Variants in ZFAT observed in about 807,000 individuals in gnomAD.
ZFAT encodes the protein zinc finger protein ZFAT.
ZFAT carries 64 observed loss-of-function variants against 117.7 expected under a neutral mutation model. The ratio of observed to expected loss-of-function variants is 0.54; its 90% CI spans 0.44 to 0.67. The LOEUF is 0.67. Among genes scored for constraint, ZFAT ranks in the 30% least tolerant of loss-of-function variants. ZFAT has a pLI of 0.00. For missense variants in ZFAT, 1,433 were observed against 1,584.5 expected (o/e 0.90, Z 1.62); for synonymous variants, 679 against 615.0 (o/e 1.10, Z -1.54).
chr8:134,738,344 C>T, the ZFAT span, among the ~76,000 whole-genome samples: 1 of 152,082 alleles, frequency 6.6e-6, no homozygotes, highest in Non-Finnish European at 1.5e-5. Flanking sequence ...TCTGGCAAGC[C>T]CAAATCTTCT....
intron 10 of ZFAT, among the ~76,000 whole-genome samples, chr8:134,568,946 G>C (rs866142406): frequency 1.3e-5 from 2 of 152,154 alleles, no homozygotes; most frequent in African/African-American, 4.8e-5. Context: ...GTATTTACTC[G>C]AGGTGAGATT....
chr8:134,485,738 C>T (rs1245873924), intron 15 of ZFAT, among the ~76,000 whole-genome samples: 1 of 143,786 alleles, frequency 7.0e-6, no homozygotes, highest in Non-Finnish European at 1.5e-5. Flanking sequence ...CATTCAAGGA[C>T]ATCAAAATAT....
At chr8:134,509,775 A>C in intron 14 of ZFAT, 26 bp from the exon 15 acceptor site, 1 of 1,575,322 alleles carries the variant, frequency 6.3e-7, no homozygotes, top group East Asian at 2.2e-5. Flanking sequence ...CAAAGAGGAC[A>C]CCATTCAGGC....
chr8:134,825,743 G>A, the ZFAT span, among the ~76,000 whole-genome samples: 4 of 152,226 alleles, frequency 2.6e-5, no homozygotes, highest in African/African-American at 9.6e-5. Flanking sequence ...TCCTCAGGCT[G>A]GGCGCGGTGG....
chr8:134,577,122 C>T (rs1825370169), intron 10 of ZFAT, among the ~76,000 whole-genome samples: 1 of 152,230 alleles, frequency 6.6e-6, no homozygotes, highest in African/African-American at 2.4e-5. Flanking sequence ...AACTACATTA[C>T]AGCATGATCT....
At chr8:134,762,733 A>C in the ZFAT span, among the ~76,000 whole-genome samples, 1 of 152,194 alleles carries the variant, frequency 6.6e-6, no homozygotes, top group Non-Finnish European at 1.5e-5. Flanking sequence ...CCAATTGCTT[A>C]CCTGGCATCT....
intron 11 of ZFAT, among the ~76,000 whole-genome samples, chr8:134,559,028 T>A (rs968608206): frequency 6.6e-6 from 1 of 152,248 alleles, no homozygotes; most frequent in African/African-American, 2.4e-5. Flanking sequence ...TAGGATGGTA[T>A]CATGGATAAG....
chr8:134,817,245 C>T, the ZFAT span, among the ~76,000 whole-genome samples: 1 of 151,980 alleles, frequency 6.6e-6, no homozygotes, highest in Non-Finnish European at 1.5e-5. Context: ...AACCAGATAA[C>T]CTAAGGAAGA....
At chr8:134,821,015 G>T in the ZFAT span, among the ~76,000 whole-genome samples, 2 of 152,292 alleles carry the variant, frequency 1.3e-5, no homozygotes, top group African/African-American at 4.8e-5. Flanking sequence ...CAAAAAGCTT[G>T]CAATGAAGTT....
chr8:134,707,382 A>C (rs1364534763), intron 1 of ZFAT, among the ~76,000 whole-genome samples: 1 of 152,202 alleles, frequency 6.6e-6, no homozygotes, highest in Admixed American at 6.5e-5. Context: ...AAACAGCACA[A>C]AGTTTGGCAT....
At position 134,498,194 on chromosome 8, in the gene ZFAT, G is replaced by T. The variant is rs74989655; in HGVS notation, c.3492+11425C>A. The stretch of plus-strand genomic sequence containing the variant: ...GCTGGTTACACACAGAGCCTGATTT[G>T]GTAGGGTTGGGGTGGAGCTGGGATG... On this transcript the variant is annotated intron_variant, in intron 15 of 15. Coordinates refer to ENST00000377838, the MANE Select transcript of ZFAT (RefSeq NM_020863.4). Among the ~76,000 whole-genome samples, 414 of 55,406 alleles carry T rather than the reference G, an allele frequency of 7.5e-3. 3 individuals are homozygous for T. The highest frequency in any genetic ancestry group is 0.038 in the East Asian group (22 of 580). The allele number at this position is 55,406 out of a possible 152,430, so 36.3% of individuals were successfully genotyped here. A position where few individuals can be genotyped will look rare whatever the true frequency, so the allele number is the denominator to read the frequency against.
chr8:134,649,508 A>G (rs1831110950), intron 2 of ZFAT, among the ~76,000 whole-genome samples: 1 of 152,222 alleles, frequency 6.6e-6, no homozygotes, highest in Non-Finnish European at 1.5e-5. Flanking sequence ...AAGTCCAGCA[A>G]AATTGCAGGA....
rs114152015 is a variant in ZFAT, at chr8:134,596,184, C to T, written c.2475+4252G>A. ...GTCCTAAGATCAACCACATGGACAT[C>T]CATAAGGCACTTTCACATCACAAAG... On this transcript the variant is annotated intron_variant, in intron 7 of 15. Coordinates refer to ENST00000377838, the MANE Select transcript of ZFAT (RefSeq NM_020863.4). Among the ~76,000 whole-genome samples the T allele has an allele frequency of 6.1e-3, 924 of 152,320 alleles. 6 individuals carry two copies. The highest frequency in any genetic ancestry group is 0.021 in the African/African-American group (854 of 41,568).
chr8:134,576,190 A>AT, intron 10 of ZFAT, among the ~76,000 whole-genome samples: 1 of 152,232 alleles, frequency 6.6e-6, no homozygotes, highest in Non-Finnish European at 1.5e-5. Flanking sequence ...TTAAATCTGT[A>AT]TATCAATCTA....
At chr8:134,544,270 T>TAGCA (rs1225907695) in intron 11 of ZFAT, among the ~76,000 whole-genome samples, 1 of 152,188 alleles carries the variant, frequency 6.6e-6, no homozygotes, top group Admixed American at 6.5e-5. Flanking sequence ...CGCTCACCTA[T>TAGCA]GCTCCCCCAG....
At chr8:134,510,120 C>T (rs767129179) in intron 14 of ZFAT, 75 of 460,470 alleles carry the variant, frequency 1.6e-4, no homozygotes, top group Non-Finnish European at 2.3e-4. Flanking sequence ...CTCCTGGGAG[C>T]ACCCAGCAAG....
At chr8:134,646,045 A>C (rs1830870997) in intron 2 of ZFAT, among the ~76,000 whole-genome samples, 1 of 151,944 alleles carries the variant, frequency 6.6e-6, no homozygotes, top group South Asian at 2.1e-4. Flanking sequence ...CTACTTAAAA[A>C]AAAAAATAGA....
chr8:134,588,154 T>A, intron 9 of ZFAT, 92 bp downstream of exon 9: 3 of 1,400,722 alleles, frequency 2.1e-6, no homozygotes, highest in Non-Finnish European at 2.9e-6. Flanking sequence ...AGCAGGGATG[T>A]GAAGATACGG....
At chr8:134,624,214 A>ACC (rs1414092940) in intron 3 of ZFAT, among the ~76,000 whole-genome samples, 62 of 148,512 alleles carry the variant, frequency 4.2e-4, no homozygotes, top group African/African-American at 1.5e-3. Flanking sequence ...ACACACACAC[A>ACC]CACACCCTTA....
Sources: gnomAD v4.1 joint callset for allele counts (sites outside exome capture counted in the v4.1 genomes callset) on GRCh38, gnomAD v4.1.1 for gene constraint, MANE v1.5 for transcripts, NCBI Gene and HGNC (gene_info 2026-07-23, HGNC 2026-07-21) for gene names.